Variants in ARHGAP21 observed in about 807,000 individuals in gnomAD.
ARHGAP21 encodes the protein Rho GTPase activating protein 21.
In ARHGAP21, 38 loss-of-function variants were observed where a neutral mutation model predicts 164.6. The observed-to-expected ratio is 0.23, with a 90% CI of 0.18 to 0.30. The LOEUF (loss-of-function observed/expected upper bound fraction) is 0.30. ARHGAP21 is among the 10% of genes least tolerant of loss of function. ARHGAP21 has a pLI of 1.00. For missense variants in ARHGAP21, 1,822 were observed against 2,370.7 expected (o/e 0.77, Z 4.81); for synonymous variants, 766 against 857.9 (o/e 0.89, Z 1.87).
chr10:24,701,993 T>C (rs1489222308), intron 2 of ARHGAP21, among the ~76,000 whole-genome samples: 1 of 152,180 alleles, frequency 6.6e-6, no homozygotes, highest in Non-Finnish European at 1.5e-5. Context: ...ATGCCATATA[T>C]ATGAAACCTT....
At chr10:24,635,857 T>C (rs1230440953) in intron 4 of ARHGAP21, among the ~76,000 whole-genome samples, 1 of 152,258 alleles carries the variant, frequency 6.6e-6, no homozygotes, top group African/African-American at 2.4e-5. Context: ...TACTGCTTCT[T>C]AATACTGCAT....
intron 9 of ARHGAP21, among the ~76,000 whole-genome samples, chr10:24,614,068 T>G (rs980600937): frequency 6.6e-6 from 1 of 152,204 alleles, no homozygotes; most frequent in Non-Finnish European, 1.5e-5. Context: ...CTTAGAAATT[T>G]AATAAATATC....
At position 24,619,822 on chromosome 10, in the gene ARHGAP21, C is replaced by T. The variant is rs1329736208; in HGVS notation, c.2073G>A (p.Lys691=). Residue 691 remains lysine (K), a synonymous_variant, in exon 9 of 26, where the codon AAG becomes AAA. Transcript: ENST00000396432. ...CGTTTTCACTCGACTGAGGGGCAGGCTTGGCAGAGGCTCCAGATAAAGAGG... is the reference window on the plus strand; with the variant it reads ...CGTTTTCACTCGACTGAGGGGCAGGTTTGGCAGAGGCTCCAGATAAAGAGG... ...KSPSLSGASA[K]PAPQSSENAG... The T allele has an allele frequency of 6.2e-7, 1 of 1,614,172 alleles. No homozygotes were observed. The highest frequency in any genetic ancestry group is 1.7e-5 in the Admixed American group (1 of 60,022).
At chr10:24,637,909 G>A (rs999870711) in intron 4 of ARHGAP21, among the ~76,000 whole-genome samples, 31 of 151,400 alleles carry the variant, frequency 2.0e-4, no homozygotes, top group African/African-American at 7.3e-4. Context: ...CTGTTGCCCG[G>A]GCTGGAGTGC....
At chr10:24,636,759 T>C (rs964611825) in intron 4 of ARHGAP21, among the ~76,000 whole-genome samples, 8 of 152,224 alleles carry the variant, frequency 5.3e-5, no homozygotes, top group African/African-American at 2.4e-5. Flanking sequence ...TGGGGCATAG[T>C]AGAAATTGCT....
intron 2 of ARHGAP21, among the ~76,000 whole-genome samples, chr10:24,696,182 T>TA (rs1188373479): frequency 6.6e-6 from 1 of 152,150 alleles, no homozygotes; most frequent in Non-Finnish European, 1.5e-5. Flanking sequence ...CAGTGGGCCC[T>TA]ATGGGCGCCC....
intron 13 of ARHGAP21, 143 bp downstream of exon 13, chr10:24,601,835 T>C (rs1397914376): frequency 9.4e-7 from 1 of 1,058,452 alleles, no homozygotes; most frequent in African/African-American, 1.6e-5. Context: ...ATACTTTTTT[T>C]AATGTAGAAA....
intron 8 of ARHGAP21, 116 bp from the exon 9 acceptor site, chr10:24,621,485 A>G (rs1332754864): frequency 1.1e-6 from 1 of 890,532 alleles, no homozygotes; most frequent in African/African-American, 1.7e-5. Context: ...GACATTCACT[A>G]TAGCATGCAT....
chr10:24,697,885 T>TA (rs1843316230), intron 2 of ARHGAP21, among the ~76,000 whole-genome samples: 4 of 151,212 alleles, frequency 2.6e-5, no homozygotes, highest in Non-Finnish European at 5.9e-5. Context: ...ATAAAAAAAA[T>TA]AAAAAAACCC....
chr10:24,607,832 T>C lies in ARHGAP21; in HGVS notation c.2494A>G (p.Thr832Ala). Reference sequence around the variant, plus strand: ...GTTGCTATGGAGGGGACCTGAGAGGTAGAGGCTGATATAACAGCAGAGGCA... The same window carrying C: ...GTTGCTATGGAGGGGACCTGAGAGGCAGAGGCTGATATAACAGCAGAGGCA... ...IPASAVISAS[T>A]SQVPSIATVP... is the part of the protein sequence containing the mutation. Residue 832 changes from threonine (T) to alanine (A), a missense_variant, in exon 10 of 26, where the codon ACC (threonine) becomes GCC (alanine). Around this residue, in one of 5 missense-constraint regions of ARHGAP21, gnomAD observed 1,090 missense variants for 1,378.9 expected, o/e 0.79. Coordinates refer to ENST00000396432, the MANE Select transcript of ARHGAP21 (RefSeq NM_020824.4). 1 of 1,613,974 alleles carries C rather than the reference T, an allele frequency of 6.2e-7. No individual in the cohort carries two copies. Among genetic ancestry groups the C allele is most frequent in the Admixed American group, 1.7e-5 (1 of 59,986 alleles).
rs2135596933 is a variant in ARHGAP21, at chr10:24,583,718, TAAAG to T, written c.*690_*693del. ...TCATGCAGAATTATATTCTTCTCGA[TAAAG>T]AAGCCAGTTCCATCCAGGATCCACT... On this transcript the variant is annotated 3_prime_UTR_variant, in exon 26 of 26. Transcript: ENST00000396432. 1 of 152,754 alleles carries T rather than the reference TAAAG, an allele frequency of 6.5e-6. No homozygotes were observed. The highest frequency in any genetic ancestry group is 2.1e-4 in the South Asian group (1 of 4,826). The allele number at this position is 152,754 out of a possible 1,614,324, so 9.5% of individuals were successfully genotyped here.
At chr10:24,622,686 A>C in intron 8 of ARHGAP21, 47 bp downstream of exon 8, 4 of 1,580,750 alleles carry the variant, frequency 2.5e-6, no homozygotes, top group Non-Finnish European at 2.6e-6. Context: ...AAATCTCTAC[A>C]AAACATGACT....
Position 24,588,904 on chromosome 10 carries a change from T to A in ARHGAP21, c.4182+367A>T, listed in dbSNP as rs540902138. ...CCTAGAGGGAGGGAAGCAGGTGGCG[T>A]ACAGAGCAAACGGAGTCGGCCGAGT... On this transcript the variant is annotated intron_variant, in intron 25 of 25. Transcript: ENST00000396432. 5.3e-5 allele frequency among the ~76,000 whole-genome samples: 8 copies of A among 152,288 alleles called. No individual in the cohort carries two copies. In the South Asian group the frequency reaches 1.7e-3, roughly 32 times the overall value.
intron 4 of ARHGAP21, among the ~76,000 whole-genome samples, chr10:24,664,564 AAAT>A (rs1312225404): frequency 1.2e-3 from 180 of 149,032 alleles, no homozygotes; most frequent in Admixed American, 1.7e-3. Flanking sequence ...CAAAAAAAAA[AAAT>A]AATAATAATA....
Position 24,585,867 on chromosome 10 carries a change from G to A in ARHGAP21, c.4422C>T (p.Ala1474=), listed in dbSNP as rs2076081014. The A allele has an allele frequency of 1.2e-6, 2 of 1,613,788 alleles. No individual in the cohort carries two copies. The highest frequency in any genetic ancestry group is 1.7e-6 in the Non-Finnish European group (2 of 1,179,878). The change falls in exon 26 of 26, where the codon GCC becomes GCT. Residue 1474 remains alanine (A), a synonymous_variant. Transcript: ENST00000396432. Reference sequence around the variant, plus strand: ...GGTCTTTCCTAGTGCTGTTTTCTTTGGCAATGATGATCTTCTGTTTTCTGC... The same window carrying A: ...GGTCTTTCCTAGTGCTGTTTTCTTTAGCAATGATGATCTTCTGTTTTCTGC... ...TLGRKQKIII[A]KENSTRKDPS... is the part of the protein sequence containing the mutation.
chr10:24,655,884 G>A (rs1838791210), intron 4 of ARHGAP21, among the ~76,000 whole-genome samples: 1 of 129,490 alleles, frequency 7.7e-6, no homozygotes, highest in African/African-American at 3.0e-5. Flanking sequence ...TGGGATGTGA[G>A]GAGCGCCTCT....
chr10:24,657,276 G>A (rs1250068878), intron 4 of ARHGAP21, among the ~76,000 whole-genome samples: 2 of 34,550 alleles, frequency 5.8e-5, no homozygotes, highest in African/African-American at 3.3e-4. Flanking sequence ...CCGGCCAGCC[G>A]CCCCGTCCGG....
chr10:24,641,143 G>C (rs1294651636), intron 4 of ARHGAP21, among the ~76,000 whole-genome samples: 1 of 152,076 alleles, frequency 6.6e-6, no homozygotes, highest in Non-Finnish European at 1.5e-5. Flanking sequence ...TTTATTTTGG[G>C]AATATGGTTT....
chr10:24,645,578 T>C (rs1174119059), intron 4 of ARHGAP21, among the ~76,000 whole-genome samples: 3 of 138,310 alleles, frequency 2.2e-5, no homozygotes, highest in Non-Finnish European at 3.1e-5. Flanking sequence ...AGTGAGGCTC[T>C]GTCTCAGAAA....
Sources: gnomAD v4.1 joint callset for allele counts (sites outside exome capture counted in the v4.1 genomes callset) on GRCh38, gnomAD v4.1.1 for gene constraint, gnomAD v4.1.1 regional missense constraint, MANE v1.5 for transcripts, NCBI Gene and HGNC (gene_info 2026-07-23, HGNC 2026-07-21) for gene names.